Variants in HTR4 observed in about 807,000 individuals in gnomAD.
The protein encoded by HTR4 is 5-hydroxytryptamine (serotonin) receptor 4, G protein-coupled.
Under a neutral mutation model 36.8 loss-of-function variants are expected in HTR4, and 16 were observed. The observed-to-expected ratio is 0.43, with a 90% CI of 0.29 to 0.66. HTR4 has a LOEUF of 0.66. Ranked by LOEUF, HTR4 falls within the 30% of genes least tolerant of loss-of-function variation. The probability of loss-of-function intolerance (pLI) is 0.13; values close to 1 mark genes in which losing one functional copy is unlikely to be tolerated. For synonymous variants in HTR4, 189 were observed against 185.1 expected (o/e 1.02, Z -0.17); for missense variants, 438 against 490.9 (o/e 0.89, Z 1.02).
intron 2 of HTR4, among the ~76,000 whole-genome samples, chr5:148,608,787 C>A (rs529471527): frequency 4.2e-4 from 64 of 152,292 alleles, no homozygotes; most frequent in Admixed American, 9.1e-4. Context: ...TGCAGTAACC[C>A]AGGTGAGAGA....
chr5:148,568,834 A>G (rs1760559390), intron 2 of HTR4, among the ~76,000 whole-genome samples: 1 of 152,162 alleles, frequency 6.6e-6, no homozygotes, highest in Non-Finnish European at 1.5e-5. Context: ...AGGTGTCCAG[A>G]GATGCATGTA....
At chr5:148,475,627 T>C (rs188612529), downstream of HTR4, among the ~76,000 whole-genome samples, 49 of 152,340 alleles carry the variant, frequency 3.2e-4, no homozygotes, top group East Asian at 8.9e-3. Context: ...CCTTCTCAGA[T>C]TAGACAACTG....
At chr5:148,503,013 T>G (rs1757010466) in intron 6 of HTR4, among the ~76,000 whole-genome samples, 1 of 152,198 alleles carries the variant, frequency 6.6e-6, no homozygotes, top group East Asian at 1.9e-4. Flanking sequence ...AATCTACGTC[T>G]GATTGGTGTA....
intron 1 of HTR4, among the ~76,000 whole-genome samples, chr5:148,649,397 G>T (rs1422326050): frequency 6.6e-6 from 1 of 152,126 alleles, no homozygotes; most frequent in Non-Finnish European, 1.5e-5. Flanking sequence ...TAAATATGCA[G>T]ACTTAAATTT....
intron 6 of HTR4, chr5:148,490,494 T>C: frequency 5.0e-6 from 4 of 795,182 alleles, no homozygotes; most frequent in Non-Finnish European, 6.1e-6. Context: ...TGAAATAGAG[T>C]TTGCTGTCCC....
At chr5:148,531,222 G>A (rs192448895) in intron 4 of HTR4, among the ~76,000 whole-genome samples, 1 of 152,186 alleles carries the variant, frequency 6.6e-6, no homozygotes, top group Admixed American at 6.5e-5. Flanking sequence ...AGCCAGAGGT[G>A]GAAGGATATG....
chr5:148,455,357 G>A (rs1336921085), intron 5 of HTR4, among the ~76,000 whole-genome samples: 1 of 152,186 alleles, frequency 6.6e-6, no homozygotes. Flanking sequence ...AGGTATCCTA[G>A]TTGAGAAGGC....
In HTR4 at chr5:148,654,113, C is replaced by G; in HGVS notation, c.-99G>C. The G allele has an allele frequency of 1.0e-6, 1 of 985,582 alleles. No individual in the cohort carries two copies. The highest frequency in any genetic ancestry group is 1.2e-6 in the Non-Finnish European group (1 of 830,022). 61.1% of individuals were successfully genotyped at this position (985,582 alleles called of 1,614,324 possible). A position where few individuals can be genotyped will look rare whatever the true frequency, so the allele number is the denominator to read the frequency against. On this transcript the variant is annotated 5_prime_UTR_variant, in exon 1 of 7. Transcript: ENST00000377888. ...TGCCCTGGCAGATTCGAGCGGCCACCCCCAGCCGCTGAGCCGAGCTTCTGC... is the reference window on the plus strand; with the variant it reads ...TGCCCTGGCAGATTCGAGCGGCCACGCCCAGCCGCTGAGCCGAGCTTCTGC...
At chr5:148,596,339 C>T (rs1202176157) in intron 2 of HTR4, among the ~76,000 whole-genome samples, 2 of 152,132 alleles carry the variant, frequency 1.3e-5, no homozygotes, top group African/African-American at 4.8e-5. Context: ...AGAAGCAAAC[C>T]TCAAATTTGG....
intron 5 of HTR4, among the ~76,000 whole-genome samples, chr5:148,463,165 C>CTTTTTTTTTTTTTTTTTTTTTTTTTTTTT (rs71001490): frequency 3.1e-5 from 2 of 64,152 alleles, no homozygotes; most frequent in Non-Finnish European, 5.5e-5. Flanking sequence ...CTTTTTTTTT[C>CTTTTTTTTTTTTTTTTTTTTTTTTTTTTT]TTTTTTTTTT....
At chr5:148,525,233 G>C (rs968793767) in intron 4 of HTR4, among the ~76,000 whole-genome samples, 12 of 152,170 alleles carry the variant, frequency 7.9e-5, no homozygotes, top group African/African-American at 2.9e-4. Context: ...TTATATCTGA[G>C]TAGCAAATTT....
intron 4 of HTR4, among the ~76,000 whole-genome samples, chr5:148,541,455 C>T (rs376359781): frequency 3.9e-5 from 6 of 152,288 alleles, no homozygotes; most frequent in East Asian, 1.9e-4. Context: ...ATTATTGAGA[C>T]GCACATAATA....
chr5:148,521,065 C>T, intron 5 of HTR4: 1 of 1,319,074 alleles, frequency 7.6e-7, no homozygotes, highest in Non-Finnish European at 1.0e-6. Flanking sequence ...TCTCTCCTCT[C>T]CACTCCACTT....
intron 5 of HTR4, among the ~76,000 whole-genome samples, chr5:148,517,039 T>C (rs1423101273): frequency 1.3e-5 from 2 of 152,202 alleles, no homozygotes; most frequent in Non-Finnish European, 2.9e-5. Context: ...CTTGGTTACT[T>C]TCCAATCTTT....
At chr5:148,610,384 G>A (rs1042502782) in intron 2 of HTR4, among the ~76,000 whole-genome samples, 1 of 152,298 alleles carries the variant, frequency 6.6e-6, no homozygotes, top group Non-Finnish European at 1.5e-5. Flanking sequence ...CCCCCGAGCA[G>A]CCTAACTGGG....
chr5:148,615,605 C>G (rs1752637276), intron 2 of HTR4, among the ~76,000 whole-genome samples: 1 of 150,686 alleles, frequency 6.6e-6, no homozygotes, highest in African/African-American at 2.4e-5. Flanking sequence ...GGGTGTAGCA[C>G]ACCAGCATGG....
chr5:148,502,319 C>T (rs1756973067), intron 6 of HTR4, among the ~76,000 whole-genome samples: 1 of 152,198 alleles, frequency 6.6e-6, no homozygotes, highest in Admixed American at 6.5e-5. Context: ...AACGATCAGG[C>T]AGCAACATTT....
rs1261228802 is a variant in HTR4, at chr5:148,523,195, A to G, written c.505T>C (p.Leu169=). The change falls in exon 5 of 7, where the codon TTG becomes CTG. Residue 169 remains leucine (L), a splice_region_variant and synonymous_variant. Coordinates refer to ENST00000377888, the MANE Select transcript of HTR4 (RefSeq NM_000870.7). ...GTGAGGTCTGTGTGGATACTCACCA[A>G]ATCAATTATGCCAATGTTATTCCAG... The part of the protein sequence containing the change: ...QGWNNIGIID[L]IEKRKFNQNS... 1 of 1,613,260 alleles carries G rather than the reference A, an allele frequency of 6.2e-7. No individual in the cohort carries two copies. The highest frequency in any genetic ancestry group is 1.1e-5 in the South Asian group (1 of 90,910).
At chr5:148,457,652 A>G (rs938156608) in intron 5 of HTR4, among the ~76,000 whole-genome samples, 4 of 147,732 alleles carry the variant, frequency 2.7e-5, no homozygotes, top group African/African-American at 9.8e-5. Context: ...TATTTAATAT[A>G]TCATTAAAAT....
Sources: allele counts gnomAD v4.1 joint callset (sites outside exome capture counted in the v4.1 genomes callset), GRCh38; gene constraint gnomAD v4.1.1; transcripts MANE v1.5; gene names NCBI Gene and HGNC (gene_info 2026-07-23, HGNC 2026-07-21).